ZNF385D: variants seen among roughly 807,000 people sequenced by gnomAD.
ZNF385D encodes zinc finger protein 385D.
ZNF385D carries 15 observed loss-of-function variants against 35.8 expected under a neutral mutation model. The ratio of observed to expected loss-of-function variants is 0.42; its 90% confidence interval spans 0.28 to 0.64. The LOEUF is 0.64. Among genes scored for constraint, ZNF385D ranks in the 30% least tolerant of loss-of-function variants. The pLI, the probability that ZNF385D is intolerant of heterozygous loss-of-function variation, is 0.23. For missense variants in ZNF385D, 474 were observed against 494.6 expected (o/e 0.96, Z 0.39); for synonymous variants, 212 against 186.8 (o/e 1.13, Z -1.10).
chr3:22,344,864 A>C (rs1320246821), intron 2 of ZNF385D, among the ~76,000 whole-genome samples: 3 of 152,192 alleles, frequency 2.0e-5, no homozygotes, highest in Non-Finnish European at 4.4e-5. Context: ...TTCACCAACT[A>C]AACTATTTAA....
intron 3 of ZNF385D, among the ~76,000 whole-genome samples, chr3:22,149,410 T>G (rs17010896): frequency 0.1 from 15,172 of 152,236 alleles, 1,003 homozygotes; most frequent in African/African-American, 0.18. Flanking sequence ...TTGCTTCTGA[T>G]ATGTTATTTA....
intron 3 of ZNF385D, among the ~76,000 whole-genome samples, chr3:22,038,915 T>G (rs1698498430): frequency 6.7e-6 from 1 of 149,758 alleles, no homozygotes; most frequent in Non-Finnish European, 1.5e-5. Context: ...TATATATTTT[T>G]TATTATAACA....
At chr3:22,013,595 T>G (rs1696707198) in intron 3 of ZNF385D, among the ~76,000 whole-genome samples, 1 of 152,124 alleles carries the variant, frequency 6.6e-6, no homozygotes, top group African/African-American at 2.4e-5. Context: ...GCAGCAGGAT[T>G]AGAAATCAAG....
intron 1 of ZNF385D, among the ~76,000 whole-genome samples, chr3:21,733,545 T>G (rs1170991922): frequency 6.6e-6 from 1 of 152,200 alleles, no homozygotes; most frequent in Non-Finnish European, 1.5e-5. Context: ...CTTTGTCTCT[T>G]TTTTAAACTT....
chr3:22,058,611 T>C (rs969182248), intron 3 of ZNF385D, among the ~76,000 whole-genome samples: 1 of 152,206 alleles, frequency 6.6e-6, no homozygotes, highest in Admixed American at 6.5e-5. Context: ...TAAACTAACT[T>C]GAGAGTTTTA....
intron 3 of ZNF385D, among the ~76,000 whole-genome samples, chr3:21,833,894 A>G (rs1695158964): frequency 6.6e-6 from 1 of 152,194 alleles, no homozygotes; most frequent in African/African-American, 2.4e-5. Flanking sequence ...CAATAATGAT[A>G]TGCATTAGAA....
intron 3 of ZNF385D, chr3:22,133,774 T>C (rs899450635): frequency 6.6e-6 from 1 of 151,902 alleles, no homozygotes; most frequent in East Asian, 1.9e-4. Flanking sequence ...AGCCATTCCT[T>C]GCTCTGCACT....
At chr3:22,009,830 TG>T (rs1225317486) in intron 3 of ZNF385D, among the ~76,000 whole-genome samples, 3 of 150,886 alleles carry the variant, frequency 2.0e-5, no homozygotes, top group East Asian at 3.9e-4. Flanking sequence ...GCATTTGTAA[TG>T]TTTTATTTCT....
chr3:21,907,742 T>C (rs1206345095), intron 3 of ZNF385D, among the ~76,000 whole-genome samples: 1 of 152,082 alleles, frequency 6.6e-6, no homozygotes, highest in African/African-American at 2.4e-5. Context: ...TTTTAAATGT[T>C]TGACACTAAA....
intron 3 of ZNF385D, among the ~76,000 whole-genome samples, chr3:21,889,946 CCT>C (rs1698763125): frequency 6.6e-6 from 1 of 151,850 alleles, no homozygotes; most frequent in Non-Finnish European, 1.5e-5. Context: ...TCTGTGTGTG[CCT>C]GTGTGTGCGT....
chr3:21,581,197 G>A (rs1385873913), intron 2 of ZNF385D, among the ~76,000 whole-genome samples: 2 of 152,086 alleles, frequency 1.3e-5, no homozygotes, highest in Non-Finnish European at 2.9e-5. Flanking sequence ...AGACCTGCTG[G>A]CAATGCCTTA....
At chr3:21,927,651 T>C (rs1403040676) in intron 3 of ZNF385D, among the ~76,000 whole-genome samples, 1 of 152,188 alleles carries the variant, frequency 6.6e-6, no homozygotes, top group Non-Finnish European at 1.5e-5. Context: ...AAAGGTTTGC[T>C]ATGCACAATG....
chr3:21,574,917 T>C (rs1232515235), intron 2 of ZNF385D, among the ~76,000 whole-genome samples: 5 of 151,756 alleles, frequency 3.3e-5, no homozygotes, highest in Non-Finnish European at 7.3e-5. Context: ...AACTCCTTGT[T>C]GTTTTCTTTT....
At chr3:21,670,320 T>G (rs896443659) in intron 1 of ZNF385D, among the ~76,000 whole-genome samples, 40 of 151,772 alleles carry the variant, frequency 2.6e-4, no homozygotes, top group Non-Finnish European at 5.7e-4. Flanking sequence ...AAATTATGTG[T>G]TTTTCAATAA....
intron 4 of ZNF385D, among the ~76,000 whole-genome samples, chr3:21,484,456 C>T (rs2125387758): frequency 6.6e-6 from 1 of 152,294 alleles, no homozygotes; most frequent in Admixed American, 6.5e-5. Context: ...CAGTGAACAT[C>T]CAAGACCAAG....
chr3:22,039,903 A>G (rs1478946173), intron 3 of ZNF385D, among the ~76,000 whole-genome samples: 1 of 152,168 alleles, frequency 6.6e-6, no homozygotes, highest in Non-Finnish European at 1.5e-5. Context: ...GACTGCTGCC[A>G]CTGGCTCCCT....
chr3:21,928,359 GAAGGA>G (rs1314003471), intron 3 of ZNF385D, among the ~76,000 whole-genome samples: 6 of 150,900 alleles, frequency 4.0e-5, no homozygotes, highest in East Asian at 2.0e-4. Flanking sequence ...ACGAAGGAAG[GAAGGA>G]AAGGAAAGGA....
chr3:22,036,713 T>C (rs961874752), intron 3 of ZNF385D, among the ~76,000 whole-genome samples: 1 of 149,126 alleles, frequency 6.7e-6, no homozygotes, highest in Non-Finnish European at 1.5e-5. Context: ...TACTAGGTTT[T>C]TTTTTTTTTT....
intron 2 of ZNF385D, among the ~76,000 whole-genome samples, chr3:21,630,452 G>T (rs13060015): frequency 0.16 from 24,371 of 151,790 alleles, 2,197 homozygotes; most frequent in African/African-American, 0.24. Flanking sequence ...TGATCTGCCC[G>T]CTTCAACCTC....
Sources: gnomAD v4.1 joint callset for allele counts (sites outside exome capture counted in the v4.1 genomes callset) on GRCh38, gnomAD v4.1.1 for gene constraint, MANE v1.5 for transcripts, NCBI Gene and HGNC (gene_info 2026-07-23, HGNC 2026-07-21) for gene names.